The following ANO7 variants were observed in gnomAD, a reference collection of about 807,000 sequenced individuals.
ANO7 encodes anoctamin-7.
ANO7 carries 114 observed loss-of-function variants against 115.8 expected under a neutral mutation model. That is an observed-to-expected ratio of 0.98 (90% CI 0.85 to 1.15). The LOEUF is 1.15. Ranked by LOEUF, ANO7 falls within the 50% of genes most tolerant of loss-of-function variation. ANO7 has a pLI of 0.00. For synonymous variants in ANO7, 550 were observed against 498.2 expected (o/e 1.10, Z -1.38); for missense variants, 1,302 against 1,201.2 (o/e 1.08, Z -1.24).
Position 241,224,085 on chromosome 2 carries a change from C to A in ANO7, c.2584-12C>A. ...TAGTCTGACTTGTCCCTGCCCCCAACCCTCTCCCCAGCTCAGCTCCCACTG... is the reference window on the plus strand; with the variant it reads ...TAGTCTGACTTGTCCCTGCCCCCAAACCTCTCCCCAGCTCAGCTCCCACTG... On this transcript the variant is annotated splice_polypyrimidine_tract_variant and intron_variant, in intron 24 of 24. Transcript: ENST00000674324. The A allele has an allele frequency of 6.2e-7, 1 of 1,614,098 alleles. No homozygotes were observed. Among genetic ancestry groups the A allele is most frequent in the Non-Finnish European group, 8.5e-7 (1 of 1,179,992 alleles).
intron 4 of ANO7, among the ~76,000 whole-genome samples, chr2:241,196,985 C>T (rs576984471): frequency 2.0e-5 from 3 of 152,294 alleles, no homozygotes; most frequent in African/African-American, 4.8e-5. Flanking sequence ...TTTCCACCAT[C>T]GGCAGTGGCC....
intron 10 of ANO7, among the ~76,000 whole-genome samples, chr2:241,207,180 T>G (rs28664733): frequency 1.3e-4 from 1 of 7,414 alleles, no homozygotes; most frequent in Non-Finnish European, 2.6e-4. Context: ...ACACAGGTGG[T>G]CAGGAGTGCT....
rs2069089965 is a variant in ANO7 at position 241,223,924 on chromosome 2, G to C, written c.2552G>C (p.Gly851Ala). Reference sequence around the variant, plus strand: ...GGACAGGTTCTTTTTGGAACGAACGGAACAAAGGATGAGCAGCCCGAGGGC... The same window carrying C: ...GGACAGGTTCTTTTTGGAACGAACGCAACAAAGGATGAGCAGCCCGAGGGC... ...AENEVLFGTN[G>A]TKDEQPEGSE... The change falls in exon 24 of 25, where the codon GGA becomes GCA. Residue 851 changes from glycine to alanine, a missense_variant. Gly to Ala is a moderately conservative substitution (Grantham distance 60). Coordinates refer to ENST00000674324, the MANE Select transcript of ANO7 (RefSeq NM_001370694.2). 1.2e-6 allele frequency: 2 copies of C among 1,612,970 alleles called. No individual in the cohort carries two copies. Among genetic ancestry groups the C allele is most frequent in the East Asian group, 2.2e-5 (1 of 44,876 alleles).
chr2:241,208,524 T>C (rs1213841557), intron 11 of ANO7, among the ~76,000 whole-genome samples: 1 of 152,210 alleles, frequency 6.6e-6, no homozygotes, highest in Admixed American at 6.5e-5. Context: ...CTGGAGATCC[T>C]TACCTTACAT....
At chr2:241,235,260 G>A in the ANO7 span, 36 of 1,614,056 alleles carry the variant, frequency 2.2e-5, no homozygotes, top group Non-Finnish European at 2.7e-5. Flanking sequence ...GTTCACCTAC[G>A]TGAAGAGGGG....
rs549167091 is a variant in ANO7 at position 241,223,642 on chromosome 2, G to C, written c.2413-20G>C. Reference sequence around the variant, plus strand: ...ACTCTGGGCGTTTGGGTGGGCGTGAGTGCCTTCCTCTGCTCCCAGCATGTG... The same window carrying C: ...ACTCTGGGCGTTTGGGTGGGCGTGACTGCCTTCCTCTGCTCCCAGCATGTG... On this transcript the variant is annotated intron_variant, in intron 22 of 24. Transcript: ENST00000674324. The C allele has an allele frequency of 2.5e-6, 4 of 1,609,484 alleles. No homozygotes were observed. The African/African-American group carries it at 5.3e-5, about 21-fold the overall frequency.
intron 11 of ANO7, among the ~76,000 whole-genome samples, chr2:241,208,475 T>C (rs1393205040): frequency 2.6e-5 from 4 of 152,234 alleles, no homozygotes; most frequent in Non-Finnish European, 5.9e-5. Flanking sequence ...CTGGTTCCTC[T>C]TCTCCCCTCT....
At chr2:241,221,435 G>C (rs2069011087) in intron 21 of ANO7, among the ~76,000 whole-genome samples, 1 of 151,982 alleles carries the variant, frequency 6.6e-6, no homozygotes, top group Non-Finnish European at 1.5e-5. Flanking sequence ...CTGGAGTACA[G>C]TGGTGTGATC....
chr2:241,198,990 A>G (rs2149142204), intron 4 of ANO7: 1 of 353,682 alleles, frequency 2.8e-6, no homozygotes, highest in Non-Finnish European at 5.4e-6. Flanking sequence ...GCCAGGAGGC[A>G]GGCGTGTGTC....
At chr2:241,202,712 G>A (rs1004401415) in intron 8 of ANO7, among the ~76,000 whole-genome samples, 3 of 152,330 alleles carry the variant, frequency 2.0e-5, no homozygotes, top group South Asian at 2.1e-4. Context: ...TCCTATCAGC[G>A]TTACCATCAT....
At chr2:241,216,375 A>C in intron 19 of ANO7, 137 bp downstream of exon 19, 2 of 1,185,300 alleles carry the variant, frequency 1.7e-6, no homozygotes, top group Non-Finnish European at 2.3e-6. Context: ...TGGGGTGGGA[A>C]CAGAGGGTCG....
At chr2:241,206,977 C>T (rs891540979) in intron 10 of ANO7, among the ~76,000 whole-genome samples, 4 of 140,168 alleles carry the variant, frequency 2.9e-5, no homozygotes, top group Non-Finnish European at 4.6e-5. Context: ...GACAGGTGGG[C>T]AGGAATGCTC....
rs538249633 is a variant in ANO7, at chr2:241,189,472, G to A, written c.-7-585G>A. On this transcript the variant is annotated intron_variant, in intron 1 of 24. Coordinates refer to ENST00000674324, the MANE Select transcript of ANO7 (RefSeq NM_001370694.2). ...TGCCAGCCCAAGACTAGGAGCCACG[G>A]CACCTGTCCTCCCACAGAGAGAGAC... 1.3e-3 allele frequency among the ~76,000 whole-genome samples: 200 copies of A among 152,258 alleles called. 1 individual carries two copies. Among genetic ancestry groups the A allele is most frequent in the African/African-American group, 4.7e-3 (196 of 41,552 alleles).
intron 4 of ANO7, 35 bp downstream of exon 4, chr2:241,195,880 C>T: frequency 6.2e-7 from 1 of 1,614,142 alleles, no homozygotes; most frequent in Non-Finnish European, 8.5e-7. Context: ...GGCCCTAGGC[C>T]CTGCATCCAC....
Position 241,214,738 on chromosome 2 carries a change from C to T in ANO7, c.1729-67C>T. The T allele has an allele frequency of 4.1e-6, 6 of 1,466,368 alleles. No homozygotes were observed. In the South Asian group the frequency reaches 5.9e-5, roughly 14 times the overall value. 90.8% of individuals were successfully genotyped at this position (1,466,368 alleles called of 1,614,324 possible). A position where few individuals can be genotyped will look rare whatever the true frequency, so the allele number is the denominator to read the frequency against. ...GCCGGGATGAGGGCCAGCTTTGAGA[C>T]AAGAAGGGATGCGTGGGTGAGTGGC... On this transcript the variant is annotated intron_variant, in intron 17 of 24. Coordinates refer to ENST00000674324, the MANE Select transcript of ANO7 (RefSeq NM_001370694.2).
At chr2:241,193,625 T>C (rs1467041655) in intron 3 of ANO7, among the ~76,000 whole-genome samples, 2 of 152,218 alleles carry the variant, frequency 1.3e-5, no homozygotes, top group Non-Finnish European at 2.9e-5. Flanking sequence ...TTCTATCCTC[T>C]GAGAAAATCA....
chr2:241,219,567 TC>T (rs201805906), intron 21 of ANO7, among the ~76,000 whole-genome samples: 2 of 151,718 alleles, frequency 1.3e-5, no homozygotes, highest in Admixed American at 1.3e-4. Context: ...TACATTCTTT[TC>T]TTTTTTCTTT....
chr2:241,235,791 G>C, the ANO7 span, among the ~76,000 whole-genome samples: 1 of 152,222 alleles, frequency 6.6e-6, no homozygotes, highest in African/African-American at 2.4e-5. Flanking sequence ...AATGCTGGCA[G>C]ACAGAAATTC....
In ANO7 at chr2:241,199,996, T is replaced by C. The variant is rs565757173; in HGVS notation, c.418-93T>C. ...CCTCTGCTGGAGCCCCTTCGCCCATTGCCCAATTTGCAAACTTGCACAACC... is the reference window on the plus strand; with the variant it reads ...CCTCTGCTGGAGCCCCTTCGCCCATCGCCCAATTTGCAAACTTGCACAACC... On this transcript the variant is annotated intron_variant, in intron 5 of 24. Coordinates refer to ENST00000674324, the MANE Select transcript of ANO7 (RefSeq NM_001370694.2). 1.3e-5 allele frequency: 19 copies of C among 1,492,874 alleles called. No individual in the cohort carries two copies. The South Asian group carries it at 2.0e-4, about 16-fold the overall frequency. 92.5% of individuals were successfully genotyped at this position (1,492,874 alleles called of 1,614,324 possible).
Sources: allele counts gnomAD v4.1 joint callset (sites outside exome capture counted in the v4.1 genomes callset), GRCh38; gene constraint gnomAD v4.1.1; transcripts MANE v1.5; gene names NCBI Gene and HGNC (gene_info 2026-07-23, HGNC 2026-07-21).